Variants in SRP54 observed in about 807,000 individuals in gnomAD.
The protein encoded by SRP54 is signal recognition particle subunit SRP54.
In SRP54, 10 loss-of-function variants were observed where a neutral mutation model predicts 64.8. That is an observed-to-expected ratio of 0.15 (90% confidence interval 0.10 to 0.26). The LOEUF is 0.26. Among genes scored for constraint, SRP54 ranks in the 10% least tolerant of loss-of-function variants. The pLI is 1.00. For missense variants in SRP54, 325 were observed against 613.7 expected, an observed-to-expected ratio of 0.53 and a Z score of 4.97; for synonymous variants, 193 against 185.6, an observed-to-expected ratio of 1.04 and a Z score of -0.32.
At chr14:35,003,933 AAAATAAATAAAT>A (rs61509012) in intron 4 of SRP54, among the ~76,000 whole-genome samples, 8 of 147,724 alleles carry the variant, frequency 5.4e-5, no homozygotes, top group African/African-American at 1.8e-4. Context: ...GACCTGTCTC[AAAATAAATAAAT>A]AAATAAATAA....
At chr14:35,015,974 A>G (rs544958295) in intron 11 of SRP54, among the ~76,000 whole-genome samples, 2 of 152,300 alleles carry the variant, frequency 1.3e-5, no homozygotes, top group East Asian at 1.9e-4. Flanking sequence ...CTTATCAATG[A>G]ATATTAATAT....
chr14:35,023,210 T>G, intron 14 of SRP54, 130 bp downstream of exon 14: 1 of 690,692 alleles, frequency 1.4e-6, no homozygotes, highest in Non-Finnish European at 2.3e-6. Context: ...AGGATTTATG[T>G]GACCTGTGAT....
Position 35,029,233 on chromosome 14 carries a change from G to A in SRP54, c.*81G>A. ...AGCGTTTCCCTTCTTTTTGCGAATT[G>A]GGGGGAAAGTGTATTTTTCTTGCTT... On this transcript the variant is annotated 3_prime_UTR_variant, in exon 16 of 16. Coordinates refer to ENST00000216774, the MANE Select transcript of SRP54 (RefSeq NM_003136.4). 1 of 1,059,848 alleles carries A rather than the reference G, an allele frequency of 9.4e-7. No individual in the cohort carries two copies. The highest frequency in any genetic ancestry group is 1.4e-6 in the Non-Finnish European group (1 of 722,528). The allele number at this position is 1,059,848 out of a possible 1,614,324, so 65.7% of individuals were successfully genotyped here. A position where few individuals can be genotyped will look rare whatever the true frequency, so the allele number is the denominator to read the frequency against.
chr14:35,027,936 A>G (rs958152769), intron 14 of SRP54, 152 bp from the exon 15 acceptor site: 3 of 425,134 alleles, frequency 7.1e-6, no homozygotes, highest in African/African-American at 4.0e-5. Flanking sequence ...AGAAGGGAAT[A>G]TGTAGAAATA....
intron 7 of SRP54, 50 bp downstream of exon 7, chr14:35,008,881 C>T: frequency 1.1e-6 from 1 of 890,584 alleles, no homozygotes; most frequent in South Asian, 1.8e-5. Context: ...TCTTGTCTGT[C>T]AGCTTTTTTT....
chr14:34,988,469 G>GGA (rs2043930235), intron 1 of SRP54, among the ~76,000 whole-genome samples: 1 of 145,648 alleles, frequency 6.9e-6, no homozygotes, highest in Non-Finnish European at 1.5e-5. Flanking sequence ...AGCTGAGGCA[G>GGA]GAGAATCTCT....
intron 7 of SRP54, among the ~76,000 whole-genome samples, chr14:35,009,415 CTT>C (rs918542547): frequency 2.0e-5 from 3 of 151,456 alleles, no homozygotes; most frequent in African/African-American, 7.3e-5. Context: ...AGGGGAAAAA[CTT>C]TTTTTGTAAC....
rs1209496897 is a variant in SRP54, at chr14:34,984,436, C to T, written c.-34+1221C>T. 2.0e-5 allele frequency among the ~76,000 whole-genome samples: 3 copies of T among 152,190 alleles called. No individual in the cohort carries two copies. In the East Asian group the frequency reaches 5.8e-4, roughly 29 times the overall value. Reference sequence around the variant, plus strand: ...GGTCTTCCACAGGCTCTCCTCGAGGCTTCTCGCTTGCTTCCATGGCATTGT... The same window carrying T: ...GGTCTTCCACAGGCTCTCCTCGAGGTTTCTCGCTTGCTTCCATGGCATTGT... On this transcript the variant is annotated intron_variant, in intron 1 of 15. Coordinates refer to ENST00000216774, the MANE Select transcript of SRP54 (RefSeq NM_003136.4).
At position 34,986,471 on chromosome 14, in the gene SRP54, T is replaced by C. The variant is rs1395064946; in HGVS notation, c.-34+3256T>C. Among the ~76,000 whole-genome samples the C allele has an allele frequency of 2.6e-5, 4 of 152,216 alleles. No individual in the cohort carries two copies. In the East Asian group the frequency reaches 7.7e-4, roughly 29 times the overall value. On this transcript the variant is annotated intron_variant, in intron 1 of 15. Transcript: ENST00000216774. ...AGCTCCATCCCAACCTCTAGTCTGT[T>C]GACTAGTTGCACTCTAATTCTCACA...
At chr14:34,996,975 CAA>C (rs2044081651) in intron 2 of SRP54, 188 bp downstream of exon 2, 1 of 406,724 alleles carries the variant, frequency 2.5e-6, no homozygotes. Context: ...AAATTTACTT[CAA>C]CTTTCTATAA....
Position 34,987,388 on chromosome 14 carries a change from C to T in SRP54, c.-34+4173C>T, listed in dbSNP as rs189934151. 3.9e-3 allele frequency among the ~76,000 whole-genome samples: 594 copies of T among 151,320 alleles called. 6 individuals carry two copies. Among genetic ancestry groups the T allele is most frequent in the African/African-American group, 0.014 (576 of 41,276 alleles). On this transcript the variant is annotated intron_variant, in intron 1 of 15. Transcript: ENST00000216774. Reference sequence around the variant, plus strand: ...CGCAACTATCACCATAATCAATTTTCGTACATTTTTATTATCCCATGAAGA... The same window carrying T: ...CGCAACTATCACCATAATCAATTTTTGTACATTTTTATTATCCCATGAAGA...
intron 4 of SRP54, among the ~76,000 whole-genome samples, chr14:35,003,356 A>G (rs758667646): frequency 6.7e-6 from 1 of 149,786 alleles, no homozygotes. Context: ...ACCAGATGAT[A>G]CTAGTAGTTT....
At chr14:35,000,909 C>A in intron 3 of SRP54, 27 bp from the exon 4 acceptor site, 2 of 1,414,204 alleles carry the variant, frequency 1.4e-6, no homozygotes, top group Non-Finnish European at 1.9e-6. Context: ...CTCCTCCCCA[C>A]CCCAATCACC....
rs748120256 is a variant in SRP54 at position 35,008,743 on chromosome 14, T to G, written c.428-31T>G. 15 of 1,605,056 alleles carry G rather than the reference T, an allele frequency of 9.3e-6. No individual in the cohort carries two copies. The South Asian group carries it at 1.7e-4, about 18-fold the overall frequency. The stretch of plus-strand genomic sequence containing the variant: ...GTTTTATATAATTTTTATTTTCAAG[T>G]TTGAGGATTCATGAACTCTTTATCT... On this transcript the variant is annotated intron_variant, in intron 6 of 15. Transcript: ENST00000216774.
intron 14 of SRP54, among the ~76,000 whole-genome samples, chr14:35,023,707 C>A (rs1336617294): frequency 6.6e-6 from 1 of 151,322 alleles, no homozygotes; most frequent in Non-Finnish European, 1.5e-5. Flanking sequence ...TCACTTGAAC[C>A]CAGGAGGCGG....
At chr14:35,017,620 G>A (rs1400259582) in intron 11 of SRP54, among the ~76,000 whole-genome samples, 1 of 151,940 alleles carries the variant, frequency 6.6e-6, no homozygotes, top group Non-Finnish European at 1.5e-5. Context: ...TTATCTTTAG[G>A]ACATAAATAG....
At chr14:34,999,500 T>C (rs1046928667) in intron 2 of SRP54, 58 bp from the exon 3 acceptor site, 3 of 1,318,122 alleles carry the variant, frequency 2.3e-6, no homozygotes, top group African/African-American at 2.9e-5. Flanking sequence ...CAATTGTTTT[T>C]ATGGAACTGA....
chr14:35,003,643 G>C (rs2044212356), intron 4 of SRP54, among the ~76,000 whole-genome samples: 1 of 147,888 alleles, frequency 6.8e-6, no homozygotes, highest in Admixed American at 6.8e-5. Context: ...ATCATGGCTT[G>C]CTGCAGCCTC....
rs189281082 is a variant in SRP54, at chr14:35,000,310, G to A, written c.171-626G>A. On this transcript the variant is annotated intron_variant, in intron 3 of 15. Transcript: ENST00000216774. Reference sequence around the variant, plus strand: ...TAGCCGGGCGCAGTAGCTCACGCCTGTAATCCCAGCACTTTGGGAGGCTGA... The same window carrying A: ...TAGCCGGGCGCAGTAGCTCACGCCTATAATCCCAGCACTTTGGGAGGCTGA... 3.0e-3 allele frequency among the ~76,000 whole-genome samples: 457 copies of A among 152,272 alleles called. 3 individuals are homozygous for A. Among genetic ancestry groups the A allele is most frequent in the African/African-American group, 0.011 (441 of 41,562 alleles).
Sources: gnomAD v4.1 joint callset for allele counts (sites outside exome capture counted in the v4.1 genomes callset) on GRCh38, gnomAD v4.1.1 for gene constraint, MANE v1.5 for transcripts, NCBI Gene and HGNC (gene_info 2026-07-23, HGNC 2026-07-21) for gene names.